The following ZMYM2 variants were observed in gnomAD, a reference collection of about 807,000 sequenced individuals.
ZMYM2 encodes the protein zinc finger MYM-type protein 2.
ZMYM2 carries 56 observed loss-of-function variants against 162.8 expected under a neutral mutation model. The ratio of observed to expected loss-of-function variants is 0.34; its 90% CI spans 0.28 to 0.43. The LOEUF (loss-of-function observed/expected upper bound fraction) is 0.43, where lower values mean the gene tolerates loss of function less well. Ranked by LOEUF, ZMYM2 falls within the 20% of genes least tolerant of loss-of-function variation. The probability of loss-of-function intolerance (pLI) is 1.00; values close to 1 mark genes in which losing one functional copy is unlikely to be tolerated. For missense variants in ZMYM2, 1,275 were observed against 1,621.8 expected (o/e 0.79, Z 3.67); for synonymous variants, 510 against 541.6 (o/e 0.94, Z 0.81).
intron 9 of ZMYM2, among the ~76,000 whole-genome samples, chr13:20,030,659 A>G (rs186485868): frequency 6.6e-6 from 1 of 152,130 alleles, no homozygotes; most frequent in Non-Finnish European, 1.5e-5. Flanking sequence ...TGGCCTCCCA[A>G]AGTGCCGGGA....
In ZMYM2 at chr13:20,059,543, C is replaced by T. The variant is rs1956074245; in HGVS notation, c.2720C>T (p.Pro907Leu). The T allele has an allele frequency of 1.6e-6, 2 of 1,273,106 alleles. No individual in the cohort carries two copies. The highest frequency in any genetic ancestry group is 2.3e-6 in the Non-Finnish European group (2 of 869,164). The allele number at this position is 1,273,106 out of a possible 1,614,324, so 78.9% of individuals were successfully genotyped here. ...ATGTACAGTCAGAATATTCCTGTTCCTACTACAGTTCCTGTTCCTGTAAGT... is the reference window on the plus strand; with the variant it reads ...ATGTACAGTCAGAATATTCCTGTTCTTACTACAGTTCCTGTTCCTGTAAGT... Reference protein sequence around the residue: ...MHMYSQNIPVPTTVPVPVPVP... With the variant: ...MHMYSQNIPVLTTVPVPVPVP... The change falls in exon 16 of 25, where the codon CCT becomes CTT. Residue 907 changes from proline (P) to leucine (L), a missense_variant. By Grantham distance (98) the Pro-to-Leu change is moderately conservative (BLOSUM62 -3). Coordinates refer to ENST00000610343, the MANE Select transcript of ZMYM2 (RefSeq NM_197968.4).
At chr13:20,023,741 A>G (rs1296133069) in intron 7 of ZMYM2, among the ~76,000 whole-genome samples, 1 of 152,218 alleles carries the variant, frequency 6.6e-6, no homozygotes, top group African/African-American at 2.4e-5. Context: ...ATAAATTTGT[A>G]TGAAATTTAA....
At chr13:19,997,228 TTGA>T (rs1414901760) in intron 3 of ZMYM2, among the ~76,000 whole-genome samples, 1 of 152,228 alleles carries the variant, frequency 6.6e-6, no homozygotes, top group Non-Finnish European at 1.5e-5. Context: ...ACAATGGGTA[TTGA>T]TGTAACATTC....
the ZMYM2 span, among the ~76,000 whole-genome samples, chr13:19,867,433 C>A: frequency 6.6e-6 from 1 of 151,042 alleles, no homozygotes; most frequent in Non-Finnish European, 1.5e-5. Flanking sequence ...AAACATAGAT[C>A]AAAAACAACT....
At chr13:19,996,853 C>T (rs995346004) in intron 3 of ZMYM2, among the ~76,000 whole-genome samples, 25 of 152,202 alleles carry the variant, frequency 1.6e-4, no homozygotes, top group Admixed American at 5.2e-4. Context: ...TGCCACTACA[C>T]TCTAGCCCAG....
At chr13:19,987,140 A>AT (rs760423975) in intron 2 of ZMYM2, among the ~76,000 whole-genome samples, 1 of 150,202 alleles carries the variant, frequency 6.7e-6, no homozygotes, top group East Asian at 1.9e-4. Context: ...AAAAAAAAAA[A>AT]TTTCAGCAGT....
At chr13:19,870,687 T>A in the ZMYM2 span, among the ~76,000 whole-genome samples, 1 of 151,714 alleles carries the variant, frequency 6.6e-6, no homozygotes, top group African/African-American at 2.4e-5. Context: ...ATCACAGTAG[T>A]GCGATCTCGG....
chr13:20,038,303 C>T (rs907876791), intron 12 of ZMYM2, among the ~76,000 whole-genome samples: 4 of 152,120 alleles, frequency 2.6e-5, no homozygotes, highest in African/African-American at 7.2e-5. Context: ...CCCCATTTGT[C>T]AGTTTTTGCT....
chr13:19,980,351 T>G (rs1957203806), intron 2 of ZMYM2, among the ~76,000 whole-genome samples: 1 of 152,178 alleles, frequency 6.6e-6, no homozygotes, highest in Admixed American at 6.5e-5. Context: ...TGTTTCAGAC[T>G]TTTTTTGTCT....
chr13:19,943,124 A>G, the ZMYM2 span, among the ~76,000 whole-genome samples: 3 of 152,066 alleles, frequency 2.0e-5, no homozygotes, highest in Admixed American at 6.6e-5. Flanking sequence ...TTTGCTGGCA[A>G]TCCTTAGAGT....
At chr13:20,037,254 C>T (rs1472856785) in intron 12 of ZMYM2, among the ~76,000 whole-genome samples, 7 of 113,996 alleles carry the variant, frequency 6.1e-5, no homozygotes, top group Admixed American at 1.2e-4. Context: ...AAATCTCTGT[C>T]GCCCAGGCTA....
chr13:20,027,189 CTT>C lies in ZMYM2; in HGVS notation c.1736-11_1736-10del. The C allele has an allele frequency of 6.5e-7, 1 of 1,538,294 alleles. No homozygotes were observed. Among genetic ancestry groups the C allele is most frequent in the Non-Finnish European group, 8.8e-7 (1 of 1,139,222 alleles). On this transcript the variant is annotated splice_polypyrimidine_tract_variant and intron_variant, in intron 8 of 24. Transcript: ENST00000610343. Reference sequence around the variant, plus strand: ...CTTTATAAACAAATCAGATATGTACCTTTTCTTTCCTAGGTTTGGGAATTATT... The same window carrying C: ...CTTTATAAACAAATCAGATATGTACCTTCTTTCCTAGGTTTGGGAATTATT...
the ZMYM2 span, among the ~76,000 whole-genome samples, chr13:19,887,848 A>C: frequency 1.7e-4 from 26 of 149,668 alleles, no homozygotes; most frequent in Non-Finnish European, 5.9e-5. Flanking sequence ...CCTCATCTTT[A>C]TTTAGTGGGA....
At chr13:20,006,306 A>C in intron 5 of ZMYM2, 68 bp from the exon 6 acceptor site, 1 of 1,437,398 alleles carries the variant, frequency 7.0e-7, no homozygotes, top group Non-Finnish European at 9.3e-7. Context: ...TTCTGTTCAG[A>C]ATGCTTTATT....
Position 19,973,587 on chromosome 13 carries a change from C to G in ZMYM2, c.-11+13561C>G, listed in dbSNP as rs193198087. ...TTGAGAGGCTGAGGCAGAAGAATTGCCTGAACCCGGGAGGCAGAGGTTGCA... is the reference window on the plus strand; with the variant it reads ...TTGAGAGGCTGAGGCAGAAGAATTGGCTGAACCCGGGAGGCAGAGGTTGCA... On this transcript the variant is annotated intron_variant, in intron 2 of 24. Coordinates refer to ENST00000610343, the MANE Select transcript of ZMYM2 (RefSeq NM_197968.4). 3.1e-4 allele frequency among the ~76,000 whole-genome samples: 47 copies of G among 151,014 alleles called. No homozygotes were observed. In the East Asian group the frequency reaches 9.0e-3, roughly 29 times the overall value.
chr13:20,083,158 G>A, intron 23 of ZMYM2, 126 bp downstream of exon 23: 1 of 978,888 alleles, frequency 1.0e-6, no homozygotes, highest in Non-Finnish European at 1.5e-6. Flanking sequence ...TACCTCCTGG[G>A]TTCAAGCAAT....
At position 20,058,547 on chromosome 13, in the gene ZMYM2, A is replaced by C. The variant is rs754380776; in HGVS notation, c.2494-28A>C. On this transcript the variant is annotated intron_variant, in intron 14 of 24. Transcript: ENST00000610343. ...AGTATTGAAAATTAGACATAAAAATAAAAATGTTTCTCTTTGCTTCTCCAT... is the reference window on the plus strand; with the variant it reads ...AGTATTGAAAATTAGACATAAAAATCAAAATGTTTCTCTTTGCTTCTCCAT... 1.4e-5 allele frequency: 22 copies of C among 1,599,554 alleles called. No homozygotes were observed. In the East Asian group the frequency reaches 4.9e-4, roughly 36 times the overall value.
At chr13:20,007,085 C>T (rs1017800220) in intron 6 of ZMYM2, among the ~76,000 whole-genome samples, 1 of 152,066 alleles carries the variant, frequency 6.6e-6, no homozygotes, top group African/African-American at 2.4e-5. Flanking sequence ...ACTTTTAAAC[C>T]TCGGCTTGAA....
chr13:19,953,682 C>CA (rs35266783), upstream of ZMYM2, among the ~76,000 whole-genome samples: 35,728 of 75,360 alleles, frequency 0.47, 9,969 homozygotes, highest in South Asian at 0.59. Context: ...GACTCTGTCT[C>CA]AAAAAAAAAA....
Sources: allele counts gnomAD v4.1 joint callset (sites outside exome capture counted in the v4.1 genomes callset), GRCh38; gene constraint gnomAD v4.1.1; transcripts MANE v1.5; gene names NCBI Gene and HGNC (gene_info 2026-07-23, HGNC 2026-07-21).